Variants in THADA observed in about 807,000 individuals in gnomAD.
THADA encodes tRNA (32-2'-O)-methyltransferase regulator THADA.
A neutral mutation model predicts 219.8 loss-of-function variants in THADA; 213 were observed. The ratio of observed to expected loss-of-function variants is 0.97; its 90% CI spans 0.87 to 1.09. The LOEUF (loss-of-function observed/expected upper bound fraction) is 1.09, where lower values mean the gene tolerates loss of function less well. THADA is among the 50% of genes least tolerant of loss of function. The probability of loss-of-function intolerance (pLI) is 0.00; values close to 1 mark genes in which losing one functional copy is unlikely to be tolerated. For synonymous variants in THADA, 1,018 were observed against 828.9 expected (o/e 1.23, Z -3.92); for missense variants, 2,956 against 2,311.3 (o/e 1.28, Z -5.72).
intron 29 of THADA, among the ~76,000 whole-genome samples, chr2:43,354,626 T>C (rs542117247): frequency 6.6e-6 from 1 of 152,316 alleles, no homozygotes; most frequent in African/African-American, 2.4e-5. Context: ...TTTCTGTGCC[T>C]GGCTTATTTC....
At chr2:43,506,906 T>C (rs562510296) in intron 23 of THADA, among the ~76,000 whole-genome samples, 3 of 152,258 alleles carry the variant, frequency 2.0e-5, no homozygotes, top group Admixed American at 1.3e-4. Context: ...ATACAAAAAA[T>C]AGTTTGATTT....
At chr2:43,313,998 A>C (rs1573026436) in intron 31 of THADA, among the ~76,000 whole-genome samples, 1 of 152,322 alleles carries the variant, frequency 6.6e-6, no homozygotes, top group East Asian at 1.9e-4. Flanking sequence ...TGCACATAAA[A>C]TGCTTGGCAG....
chr2:43,448,513 G>A (rs1049053459), intron 26 of THADA, among the ~76,000 whole-genome samples: 2 of 148,366 alleles, frequency 1.3e-5, no homozygotes, highest in Non-Finnish European at 3.0e-5. Context: ...CCCTCAGGCT[G>A]AAGCAACTTG....
intron 29 of THADA, among the ~76,000 whole-genome samples, chr2:43,371,200 A>G (rs1412404853): frequency 6.6e-6 from 1 of 152,238 alleles, no homozygotes; most frequent in Non-Finnish European, 1.5e-5. Flanking sequence ...TTAGATAAAG[A>G]ATATCCTCTT....
At chr2:43,485,730 T>C (rs1271906351) in intron 25 of THADA, among the ~76,000 whole-genome samples, 3 of 152,110 alleles carry the variant, frequency 2.0e-5, no homozygotes, top group Non-Finnish European at 4.4e-5. Flanking sequence ...AAAATACTTA[T>C]AAAACCTAAC....
chr2:43,451,394 C>T (rs1418278834), intron 26 of THADA, among the ~76,000 whole-genome samples: 1 of 152,224 alleles, frequency 6.6e-6, no homozygotes, highest in Non-Finnish European at 1.5e-5. Flanking sequence ...CCATCCCCCA[C>T]TGTCCATTAT....
chr2:43,419,332 T>A (rs1677405475), intron 28 of THADA, among the ~76,000 whole-genome samples: 1 of 152,094 alleles, frequency 6.6e-6, no homozygotes. Context: ...ATGTTCAAAG[T>A]GAGTGAGGAA....
intron 17 of THADA, 105 bp downstream of exon 17, chr2:43,556,240 T>C: frequency 6.6e-7 from 1 of 1,518,804 alleles, no homozygotes; most frequent in Non-Finnish European, 8.8e-7. Flanking sequence ...TGATAAACTT[T>C]TAAATAAAAA....
At chr2:43,466,221 G>C (rs1410080758) in intron 26 of THADA, among the ~76,000 whole-genome samples, 1 of 152,176 alleles carries the variant, frequency 6.6e-6, no homozygotes, top group South Asian at 2.1e-4. Context: ...TAAATGAGTA[G>C]TCAATGCTAC....
Position 43,286,936 on chromosome 2 carries a change from A to G in THADA, c.5136T>C (p.Leu1712=), listed in dbSNP as rs1489879998. 3.7e-6 allele frequency: 6 copies of G among 1,613,370 alleles called. No homozygotes were observed. The highest frequency in any genetic ancestry group is 4.2e-6 in the Non-Finnish European group (5 of 1,179,408). The change falls in exon 35 of 38, where the codon CTT becomes CTC. Residue 1712 remains leucine, a synonymous_variant. Coordinates refer to ENST00000405975, the MANE Select transcript of THADA (RefSeq NM_022065.5). ...VVEVLTSTTP[L]FLTNPHPILE... is the part of the protein sequence containing the mutation. ...GAATAGGATGGGGGTTGGTGAGGAA[A>G]AGTGGTGTAGTACTGGTGAGGACTT...
At chr2:43,268,061 G>A (rs376489760) in intron 36 of THADA, among the ~76,000 whole-genome samples, 4 of 152,312 alleles carry the variant, frequency 2.6e-5, no homozygotes, top group East Asian at 1.9e-4. Flanking sequence ...ACAAGTTGCC[G>A]TCAAGGCCAA....
intron 26 of THADA, 193 bp from the exon 27 acceptor site, chr2:43,430,495 C>T (rs1679096473): frequency 1.8e-6 from 1 of 553,784 alleles, no homozygotes; most frequent in South Asian, 2.2e-5. Flanking sequence ...GAAGTGCTCT[C>T]AATCCATGAA....
intron 31 of THADA, among the ~76,000 whole-genome samples, chr2:43,315,264 A>G (rs991571677): frequency 6.6e-6 from 1 of 152,236 alleles, no homozygotes; most frequent in Admixed American, 6.5e-5. Context: ...TCATAAAATT[A>G]GTAAAATAGA....
In THADA at chr2:43,471,423, G is replaced by A. The variant is rs373218672; in HGVS notation, c.3836+13811C>T. Among the ~76,000 whole-genome samples, 254 of 152,158 alleles carry A rather than the reference G, an allele frequency of 1.7e-3. 1 individual carries two copies. Among genetic ancestry groups the A allele is most frequent in the Non-Finnish European group, 2.8e-3 (193 of 67,962 alleles). Reference sequence around the variant, plus strand: ...ACATCTGTAGTCCCAGTTACTCGGCGGCGGGGCTGAGGTGGGAGGATCACT... The same window carrying A: ...ACATCTGTAGTCCCAGTTACTCGGCAGCGGGGCTGAGGTGGGAGGATCACT... On this transcript the variant is annotated intron_variant, in intron 26 of 37. Transcript: ENST00000405975.
intron 37 of THADA, among the ~76,000 whole-genome samples, chr2:43,232,330 C>A (rs1434472906): frequency 1.3e-5 from 2 of 152,140 alleles, no homozygotes; most frequent in African/African-American, 4.8e-5. Flanking sequence ...AGGCACCCAC[C>A]ACCATGCCCG....
At chr2:43,273,699 C>T (rs1432714228) in intron 36 of THADA, among the ~76,000 whole-genome samples, 1 of 152,076 alleles carries the variant, frequency 6.6e-6, no homozygotes, top group African/African-American at 2.4e-5. Flanking sequence ...GTGTGAAGTC[C>T]CACAGGGCTG....
At chr2:43,308,172 C>G (rs1677075201) in intron 31 of THADA, among the ~76,000 whole-genome samples, 1 of 151,574 alleles carries the variant, frequency 6.6e-6, no homozygotes, top group Admixed American at 6.6e-5. Flanking sequence ...CTGGGCAACA[C>G]AGTGAGACCC....
At chr2:43,249,013 C>T (rs1357021061) in intron 36 of THADA, among the ~76,000 whole-genome samples, 1 of 152,180 alleles carries the variant, frequency 6.6e-6, no homozygotes, top group East Asian at 1.9e-4. Flanking sequence ...ACCTCTCAAA[C>T]TTGTCACCTC....
In THADA at chr2:43,485,309, G is replaced by A. The variant is rs1216898715; in HGVS notation, c.3761C>T (p.Thr1254Ile). ...SPVWAVRNSS[T>I]LLFSALITRI... ...TGTGATCAAGGCACTAAAGAGAAGT[G>A]TGGATGAATTTCGCACCTAATGTAC... The change falls in exon 26 of 38, where the codon ACA becomes ATA. Residue 1254 changes from threonine (T) to isoleucine (I), a missense_variant. Thr to Ile is a moderately conservative substitution (Grantham distance 89). Coordinates refer to ENST00000405975, the MANE Select transcript of THADA (RefSeq NM_022065.5). The A allele has an allele frequency of 1.9e-6, 3 of 1,612,672 alleles. No individual in the cohort carries two copies. The highest frequency in any genetic ancestry group is 2.2e-5 in the East Asian group (1 of 44,782).
Sources: gnomAD v4.1 joint callset for allele counts (sites outside exome capture counted in the v4.1 genomes callset) on GRCh38, gnomAD v4.1.1 for gene constraint, MANE v1.5 for transcripts, NCBI Gene and HGNC (gene_info 2026-07-23, HGNC 2026-07-21) for gene names.